The following CCDC91 variants were observed in gnomAD, a reference collection of about 807,000 sequenced individuals.
CCDC91 encodes the protein coiled-coil domain-containing protein 91.
CCDC91 carries 48 observed loss-of-function variants against 63.2 expected under a neutral mutation model. That is an observed-to-expected ratio of 0.76 (90% confidence interval 0.60 to 0.97). The LOEUF (loss-of-function observed/expected upper bound fraction) is 0.97. Ranked by LOEUF, CCDC91 falls within the 50% of genes least tolerant of loss-of-function variation. The probability of loss-of-function intolerance (pLI) is 0.00; values close to 1 mark genes in which losing one functional copy is unlikely to be tolerated. For synonymous variants in CCDC91, 167 were observed against 165.8 expected, an observed-to-expected ratio of 1.01 and a Z score of -0.06; for missense variants, 500 against 494.6, an observed-to-expected ratio of 1.01 and a Z score of -0.10.
At chr12:28,339,093 G>A (rs1160987531) in intron 6 of CCDC91, among the ~76,000 whole-genome samples, 4 of 152,038 alleles carry the variant, frequency 2.6e-5, no homozygotes, top group Non-Finnish European at 4.4e-5. Context: ...CACCTGCCTC[G>A]GCTTCCCAAA....
At position 28,452,597 on chromosome 12, in the gene CCDC91, A is replaced by T. The variant is rs1565996981; in HGVS notation, c.1044A>T (p.Gln348His). ...GGAAGACAGAACATGCAAAAGATCA[A>T]GAAAAAGTATCTCAGGAAATTCAAA... Reference protein sequence around the residue: ...ELWKTEHAKDQEKVSQEIQKA... With the variant: ...ELWKTEHAKDHEKVSQEIQKA... Residue 348 changes from glutamine to histidine, a missense_variant, in exon 11 of 13, where the codon CAA becomes CAT. Gln to His is a conservative substitution (Grantham distance 24). Transcript: ENST00000536442. 6.3e-7 allele frequency: 1 copy of T among 1,583,360 alleles called. No homozygotes were observed. Among genetic ancestry groups the T allele is most frequent in the Non-Finnish European group, 8.6e-7 (1 of 1,166,368 alleles).
At chr12:28,261,093 G>A (rs935858211) in intron 3 of CCDC91, among the ~76,000 whole-genome samples, 8 of 152,022 alleles carry the variant, frequency 5.3e-5, no homozygotes, top group African/African-American at 1.9e-4. Flanking sequence ...GGATGTGACA[G>A]TGAAGGAGGA....
At chr12:28,538,719 A>G (rs1390360474) in intron 12 of CCDC91, among the ~76,000 whole-genome samples, 2 of 152,150 alleles carry the variant, frequency 1.3e-5, no homozygotes, top group African/African-American at 4.8e-5. Context: ...TTACAGTCCC[A>G]CCAACAGTGT....
intron 1 of CCDC91, among the ~76,000 whole-genome samples, chr12:28,197,528 A>G (rs1941873824): frequency 6.6e-6 from 1 of 152,042 alleles, no homozygotes; most frequent in South Asian, 2.1e-4. Flanking sequence ...TTTCCATTTC[A>G]TAGACAAAGG....
chr12:28,518,830 T>C (rs1240565519), intron 12 of CCDC91, among the ~76,000 whole-genome samples: 3 of 152,080 alleles, frequency 2.0e-5, no homozygotes, highest in Non-Finnish European at 2.9e-5. Flanking sequence ...GATATTTGTA[T>C]AAGGTGAGAG....
chr12:28,312,776 A>G (rs1939455971), intron 6 of CCDC91, among the ~76,000 whole-genome samples: 3 of 152,018 alleles, frequency 2.0e-5, no homozygotes, highest in Admixed American at 2.0e-4. Flanking sequence ...TTCTTGTGAT[A>G]GTAAATGTCT....
chr12:28,435,898 C>A (rs114981273), intron 8 of CCDC91, among the ~76,000 whole-genome samples: 1,707 of 151,756 alleles, frequency 0.011, 26 homozygotes, highest in African/African-American at 0.039. Context: ...TCTGAGGTTT[C>A]CTGTGTCTGA....
intron 3 of CCDC91, among the ~76,000 whole-genome samples, chr12:28,275,923 C>G (rs991463613): frequency 6.6e-5 from 10 of 152,016 alleles, no homozygotes; most frequent in South Asian, 2.1e-4. Context: ...ATTCAACAAC[C>G]CTTCATGCGA....
intron 8 of CCDC91, among the ~76,000 whole-genome samples, chr12:28,424,369 T>G (rs1337725626): frequency 1.3e-5 from 2 of 152,174 alleles, no homozygotes; most frequent in East Asian, 3.9e-4. Context: ...ATGCATATAT[T>G]TAAGTCCTGC....
At chr12:28,271,867 T>C (rs1022332247) in intron 3 of CCDC91, among the ~76,000 whole-genome samples, 1 of 149,640 alleles carries the variant, frequency 6.7e-6, no homozygotes, top group African/African-American at 2.4e-5. Context: ...TATATGCATA[T>C]GAAATACATA....
At chr12:28,399,005 A>T (rs550969220) in intron 8 of CCDC91, among the ~76,000 whole-genome samples, 2 of 152,104 alleles carry the variant, frequency 1.3e-5, no homozygotes, top group African/African-American at 4.8e-5. Context: ...TTTCAAATTT[A>T]TCATTGTTAT....
At chr12:28,334,454 T>C (rs1941768650) in intron 6 of CCDC91, among the ~76,000 whole-genome samples, 1 of 152,178 alleles carries the variant, frequency 6.6e-6, no homozygotes, top group Admixed American at 6.5e-5. Flanking sequence ...AAATCATCTA[T>C]TTTTATTTCT....
At chr12:28,393,146 T>G (rs1946054553) in intron 8 of CCDC91, among the ~76,000 whole-genome samples, 1 of 152,142 alleles carries the variant, frequency 6.6e-6, no homozygotes, top group Non-Finnish European at 1.5e-5. Context: ...GGTTTTTTAT[T>G]TTTCAGTATC....
At chr12:28,525,063 A>G (rs1269042402) in intron 12 of CCDC91, among the ~76,000 whole-genome samples, 2 of 151,834 alleles carry the variant, frequency 1.3e-5, no homozygotes, top group Admixed American at 6.6e-5. Context: ...TGTTTCATGT[A>G]TCTTTTGTAT....
intron 8 of CCDC91, among the ~76,000 whole-genome samples, chr12:28,438,787 A>G (rs1379406947): frequency 6.6e-6 from 1 of 152,060 alleles, no homozygotes; most frequent in Non-Finnish European, 1.5e-5. Flanking sequence ...TTTTTGACAT[A>G]GAATGGATTT....
intron 1 of CCDC91, among the ~76,000 whole-genome samples, chr12:28,208,949 T>C (rs988958447): frequency 1.3e-5 from 2 of 151,880 alleles, no homozygotes; most frequent in African/African-American, 4.8e-5. Context: ...TACAGGTGCC[T>C]GCCACCATGC....
intron 1 of CCDC91, among the ~76,000 whole-genome samples, chr12:28,231,911 G>T (rs529400908): frequency 6.6e-6 from 1 of 152,172 alleles, no homozygotes; most frequent in African/African-American, 2.4e-5. Context: ...TAGGAACTTG[G>T]CATTGAACAC....
intron 1 of CCDC91, among the ~76,000 whole-genome samples, chr12:28,228,584 G>C (rs1214635712): frequency 6.6e-6 from 1 of 151,934 alleles, no homozygotes; most frequent in Non-Finnish European, 1.5e-5. Context: ...GATTACTTGT[G>C]GACAGACCTA....
chr12:28,202,334 T>C (rs1046002611), intron 1 of CCDC91, among the ~76,000 whole-genome samples: 2 of 152,254 alleles, frequency 1.3e-5, no homozygotes, highest in Non-Finnish European at 2.9e-5. Context: ...CTTGCATGTC[T>C]CACAATTTTT....
Sources: allele counts gnomAD v4.1 joint callset (sites outside exome capture counted in the v4.1 genomes callset), GRCh38; gene constraint gnomAD v4.1.1; transcripts MANE v1.5; gene names NCBI Gene and HGNC (gene_info 2026-07-23, HGNC 2026-07-21).